The following N4BP2 variants were observed in gnomAD, a reference collection of about 807,000 sequenced individuals.
N4BP2 encodes the protein NEDD4 binding protein 2.
N4BP2 carries 91 observed loss-of-function variants against 152.8 expected under a neutral mutation model. That is an observed-to-expected ratio of 0.60 (90% CI 0.50 to 0.71). The LOEUF (loss-of-function observed/expected upper bound fraction) is 0.71. Ranked by LOEUF, N4BP2 falls within the 30% of genes least tolerant of loss-of-function variation. The pLI is 0.00. For synonymous variants in N4BP2, 646 were observed against 705.3 expected (o/e 0.92, Z 1.33); for missense variants, 1,923 against 2,059.1 (o/e 0.93, Z 1.28).
chr4:40,154,106 T>C (rs1721408492), intron 17 of N4BP2, 86 bp from the exon 18 acceptor site: 1 of 893,270 alleles, frequency 1.1e-6, no homozygotes, highest in Admixed American at 2.2e-5. Context: ...ATATTAAGCG[T>C]AGGTACTTGG....
chr4:40,133,925 C>G (rs2110017567), intron 13 of N4BP2, among the ~76,000 whole-genome samples: 1 of 152,256 alleles, frequency 6.6e-6, no homozygotes, highest in Admixed American at 6.5e-5. Context: ...CCCACCTCTG[C>G]CTCCCAAGTA....
the N4BP2 span, among the ~76,000 whole-genome samples, chr4:40,184,860 G>T: frequency 6.6e-6 from 1 of 152,132 alleles, no homozygotes; most frequent in African/African-American, 2.4e-5. Context: ...GGAGGCTGAG[G>T]CGTAAGAATC....
the N4BP2 span, among the ~76,000 whole-genome samples, chr4:40,179,290 A>G: frequency 6.6e-6 from 1 of 152,290 alleles, no homozygotes; most frequent in East Asian, 1.9e-4. Context: ...GAATGGCATG[A>G]ACCCGGGAGG....
chr4:40,128,406 C>G (rs1324315637), intron 12 of N4BP2, among the ~76,000 whole-genome samples: 1 of 152,126 alleles, frequency 6.6e-6, no homozygotes, highest in Admixed American at 6.5e-5. Flanking sequence ...TACTGCCATT[C>G]CCATCTTTGT....
At chr4:40,122,685 T>A (rs1433012268) in intron 9 of N4BP2, among the ~76,000 whole-genome samples, 1 of 152,244 alleles carries the variant, frequency 6.6e-6, no homozygotes, top group Non-Finnish European at 1.5e-5. Flanking sequence ...ATAGAGAATA[T>A]TTATATGGAG....
chr4:40,099,995 A>C (rs1363001651), intron 3 of N4BP2: 1 of 439,992 alleles, frequency 2.3e-6, no homozygotes, highest in East Asian at 7.3e-5. Context: ...GGTCTCTGCC[A>C]GGCTTGCCCC....
At chr4:40,144,235 G>C (rs1364816283) in intron 15 of N4BP2, among the ~76,000 whole-genome samples, 1 of 152,210 alleles carries the variant, frequency 6.6e-6, no homozygotes, top group Non-Finnish European at 1.5e-5. Context: ...TCTGTCCACT[G>C]ACATGCAGGG....
chr4:40,145,884 C>T (rs770438200), intron 16 of N4BP2, among the ~76,000 whole-genome samples: 41 of 151,924 alleles, frequency 2.7e-4, no homozygotes, highest in East Asian at 5.8e-4. Flanking sequence ...AAGTTGTGGC[C>T]GGGTGCGGTG....
intron 13 of N4BP2, among the ~76,000 whole-genome samples, chr4:40,136,479 G>A (rs1191507234): frequency 1.3e-5 from 2 of 152,022 alleles, no homozygotes; most frequent in East Asian, 3.9e-4. Context: ...CTGCCTTCCG[G>A]GTTCAAGCGA....
chr4:40,102,453 T>C lies in N4BP2; in HGVS notation c.608T>C (p.Leu203Ser). 6.2e-7 allele frequency: 1 copy of C among 1,613,212 alleles called. No individual in the cohort carries two copies. The highest frequency in any genetic ancestry group is 8.5e-7 in the Non-Finnish European group (1 of 1,179,788). ...TQNMNLNGEN[L>S]ENSGSTLSLN... is the part of the protein sequence containing the mutation. The stretch of plus-strand genomic sequence containing the variant: ...AATATGAATTTGAACGGTGAAAATT[T>C]AGAGAATTCTGGTTCTACTTTAAGT... The change falls in exon 4 of 18, where the codon TTA (leucine) becomes TCA (serine). Residue 203 changes from leucine to serine, a missense_variant. Transcript: ENST00000261435.
At chr4:40,189,099 T>C in the N4BP2 span, among the ~76,000 whole-genome samples, 4 of 152,086 alleles carry the variant, frequency 2.6e-5, no homozygotes, top group African/African-American at 9.7e-5. The surrounding 1 kb of genome is among the most constrained non-coding windows in gnomAD (Gnocchi z 4.3). Context: ...TGAGCCACGA[T>C]TGCGCCACTG....
chr4:40,112,616 C>T (rs1269465503), intron 6 of N4BP2, among the ~76,000 whole-genome samples: 1 of 151,910 alleles, frequency 6.6e-6, no homozygotes, highest in East Asian at 1.9e-4. Flanking sequence ...TCTGAATTTG[C>T]CAGATTTCTT....
intron 14 of N4BP2, among the ~76,000 whole-genome samples, chr4:40,137,528 C>T (rs557546185): frequency 6.6e-6 from 1 of 152,206 alleles, no homozygotes; most frequent in South Asian, 2.1e-4. Flanking sequence ...ATTTAACACC[C>T]GTCTTTTTAT....
downstream of N4BP2, among the ~76,000 whole-genome samples, chr4:40,163,189 T>C (rs530185916): frequency 3.2e-4 from 48 of 152,338 alleles, no homozygotes; most frequent in African/African-American, 1.1e-3. Context: ...GATTTGTGTA[T>C]GTATTTGGAA....
At chr4:40,107,453 G>T (rs952636846) in intron 5 of N4BP2, among the ~76,000 whole-genome samples, 12 of 151,812 alleles carry the variant, frequency 7.9e-5, no homozygotes, top group Admixed American at 7.9e-4. Context: ...GTGCAATCTG[G>T]GTTCACTGCA....
intron 13 of N4BP2, 99 bp downstream of exon 13, chr4:40,132,018 G>A (rs1167779974): frequency 1.2e-6 from 1 of 823,972 alleles, no homozygotes; most frequent in East Asian, 2.4e-5. Context: ...TAAGTCTACA[G>A]TAGTCTCTCC....
chr4:40,148,016 G>A (rs1167018183), intron 16 of N4BP2, among the ~76,000 whole-genome samples: 2 of 152,168 alleles, frequency 1.3e-5, no homozygotes, highest in Non-Finnish European at 2.9e-5. Flanking sequence ...TGGGCAGCCA[G>A]GCAGAGGGGC....
the N4BP2 span, chr4:40,167,439 CAGAA>C: frequency 1.3e-5 from 2 of 152,056 alleles, no homozygotes; most frequent in African/African-American, 4.8e-5. Flanking sequence ...AGATTCCAGA[CAGAA>C]AGAAGTTATT....
rs372862196 is a variant in N4BP2 at position 40,113,417 on chromosome 4, C to A, written c.1588-15C>A. Reference sequence around the variant, plus strand: ...AATACCTATTTTAAAATGTTTTTGTCTTTGTTGTATGTAGTCTCAGAAACA... The same window carrying A: ...AATACCTATTTTAAAATGTTTTTGTATTTGTTGTATGTAGTCTCAGAAACA... On this transcript the variant is annotated splice_polypyrimidine_tract_variant and intron_variant, in intron 6 of 17. Transcript: ENST00000261435. The A allele has an allele frequency of 5.1e-6, 8 of 1,564,386 alleles. No homozygotes were observed. Among genetic ancestry groups the A allele is most frequent in the Non-Finnish European group, 7.0e-6 (8 of 1,141,718 alleles).
Sources: gnomAD v4.1 joint callset for allele counts (sites outside exome capture counted in the v4.1 genomes callset) on GRCh38, gnomAD v4.1.1 for gene constraint, Gnocchi (gnomAD v3.1) non-coding constraint, MANE v1.5 for transcripts, NCBI Gene and HGNC (gene_info 2026-07-23, HGNC 2026-07-21) for gene names.